The following DNAI3 variants were observed in gnomAD, a reference collection of about 807,000 sequenced individuals.
DNAI3 encodes the protein dynein axonemal intermediate chain 3.
In DNAI3, 83 loss-of-function variants were observed where a neutral mutation model predicts 115.5. The observed-to-expected ratio is 0.72, with a 90% CI of 0.60 to 0.86. The LOEUF (loss-of-function observed/expected upper bound fraction) is 0.86. Among genes scored for constraint, DNAI3 ranks in the 40% least tolerant of loss-of-function variants. The pLI, the probability that DNAI3 is intolerant of heterozygous loss-of-function variation, is 0.00. For synonymous variants in DNAI3, 320 were observed against 347.0 expected, an observed-to-expected ratio of 0.92 and a Z score of 0.86; for missense variants, 1,004 against 1,075.8, an observed-to-expected ratio of 0.93 and a Z score of 0.93.
chr1:85,104,201 T>A (rs1447013593), intron 13 of DNAI3, among the ~76,000 whole-genome samples: 3 of 150,386 alleles, frequency 2.0e-5, no homozygotes, highest in Non-Finnish European at 3.0e-5. Flanking sequence ...GCTCACTGCA[T>A]GCTCCACCTC....
intron 13 of DNAI3, among the ~76,000 whole-genome samples, chr1:85,099,580 C>T (rs940645351): frequency 6.6e-5 from 10 of 152,070 alleles, no homozygotes; most frequent in Non-Finnish European, 1.0e-4. Context: ...CAATGCCATC[C>T]CCATCAGGCT....
At chr1:85,063,444 G>A (rs998565225) in intron 1 of DNAI3, among the ~76,000 whole-genome samples, 1 of 152,140 alleles carries the variant, frequency 6.6e-6, no homozygotes, top group Non-Finnish European at 1.5e-5. Context: ...AAAGGTTGAC[G>A]CAGTGAGGCA....
chr1:85,124,341 C>A (rs1656072338), intron 19 of DNAI3, 90 bp downstream of exon 19: 4 of 1,571,188 alleles, frequency 2.5e-6, no homozygotes, highest in Non-Finnish European at 3.5e-6. Context: ...CATAATAGTG[C>A]CTTTGGGACA....
chr1:85,116,328 G>A (rs941669345), intron 16 of DNAI3, among the ~76,000 whole-genome samples: 2 of 152,190 alleles, frequency 1.3e-5, no homozygotes, highest in Admixed American at 1.3e-4. Flanking sequence ...TCTCACTCAA[G>A]TTAATCATGT....
chr1:85,125,678 C>T (rs1436627443), intron 19 of DNAI3, among the ~76,000 whole-genome samples: 1 of 152,072 alleles, frequency 6.6e-6, no homozygotes, highest in Non-Finnish European at 1.5e-5. Context: ...ACAAGGAGAA[C>T]AAGTTTGAAA....
At position 85,124,189 on chromosome 1, in the gene DNAI3, T is replaced by C. The variant is rs368100900; in HGVS notation, c.2050T>C (p.Tyr684His). 1 of 1,614,084 alleles carries C rather than the reference T, an allele frequency of 6.2e-7. No homozygotes were observed. Among genetic ancestry groups the C allele is most frequent in the African/African-American group, 1.3e-5 (1 of 74,926 alleles). The change falls in exon 19 of 23, where the codon TAC becomes CAC. Residue 684 changes from tyrosine to histidine, a missense_variant. Transcript: ENST00000294664. The part of the protein sequence containing the change: ...TVHTIQRSPF[Y>H]NDIILTVGGW... ...CCACACTATTCAGAGATCACCTTTC[T>C]ACAACGACATTATTCTCACGGTTGG...
chr1:85,080,059 T>C (rs1373709049), intron 3 of DNAI3, among the ~76,000 whole-genome samples: 2 of 139,254 alleles, frequency 1.4e-5, no homozygotes, highest in African/African-American at 2.7e-5. Flanking sequence ...TTTTTTTTTT[T>C]TTTTTTTTTT....
intron 5 of DNAI3, among the ~76,000 whole-genome samples, chr1:85,082,787 T>A (rs7537313): frequency 0.88 from 133,540 of 152,128 alleles, 58,874 homozygotes; most frequent in East Asian, 0.98. Flanking sequence ...ACCTAGAATA[T>A]GTAAGCAGTA....
At chr1:85,125,171 G>A (rs562005452) in intron 19 of DNAI3, among the ~76,000 whole-genome samples, 2 of 152,192 alleles carry the variant, frequency 1.3e-5, no homozygotes, top group East Asian at 1.9e-4. Flanking sequence ...GGGATTGTAA[G>A]TTGACATGTC....
chr1:85,068,407 T>G (rs1654162570), intron 1 of DNAI3, among the ~76,000 whole-genome samples: 1 of 152,260 alleles, frequency 6.6e-6, no homozygotes, highest in African/African-American at 2.4e-5. Flanking sequence ...TCTTATTGGG[T>G]CTACTTAACA....
intron 2 of DNAI3, 62 bp from the exon 3 acceptor site, chr1:85,072,992 T>C: frequency 3.2e-6 from 3 of 930,746 alleles, no homozygotes; most frequent in South Asian, 1.9e-5. Context: ...TAAAAGATTA[T>C]AATAAATTGA....
chr1:85,073,808 T>C (rs1273351616), intron 3 of DNAI3, among the ~76,000 whole-genome samples: 2 of 152,178 alleles, frequency 1.3e-5, no homozygotes, highest in African/African-American at 4.8e-5. Context: ...TGTAGCAAAT[T>C]GCAGGAGCAA....
chr1:85,087,422 T>A (rs1770705), intron 7 of DNAI3, among the ~76,000 whole-genome samples: 2 of 132,874 alleles, frequency 1.5e-5, no homozygotes, highest in Non-Finnish European at 3.1e-5. Context: ...GTGATAGAGC[T>A]AGACTCCATC....
chr1:85,111,453 T>C (rs568206958), intron 16 of DNAI3, among the ~76,000 whole-genome samples: 4 of 152,296 alleles, frequency 2.6e-5, no homozygotes, highest in South Asian at 2.1e-4. Flanking sequence ...GGTGCTACTA[T>C]TGCACATACT....
At chr1:85,069,547 G>A (rs563450350) in intron 1 of DNAI3, among the ~76,000 whole-genome samples, 12 of 152,068 alleles carry the variant, frequency 7.9e-5, no homozygotes, top group African/African-American at 2.7e-4. Flanking sequence ...GTGATGGTGT[G>A]TGCGTGGGGT....
intron 16 of DNAI3, among the ~76,000 whole-genome samples, chr1:85,112,291 A>G (rs900641543): frequency 7.3e-6 from 1 of 136,904 alleles, no homozygotes; most frequent in Non-Finnish European, 1.7e-5. Context: ...TTTATTACAG[A>G]GTGGCATTTC....
chr1:85,080,318 AC>A (rs761006556), intron 3 of DNAI3, among the ~76,000 whole-genome samples: 2 of 151,994 alleles, frequency 1.3e-5, no homozygotes, highest in Non-Finnish European at 2.9e-5. Context: ...GGTGTCAGCC[AC>A]CGCGCCCAGC....
chr1:85,085,012 A>G (rs817600), intron 6 of DNAI3, among the ~76,000 whole-genome samples: 151,298 of 152,280 alleles, frequency 0.99, 75,169 homozygotes, highest in Middle Eastern at 1. Context: ...AATCCAATAC[A>G]ACTGGTGTCC....
Position 85,121,792 on chromosome 1 carries a change from C to T in DNAI3, c.1959C>T (p.Asp653=). 2 of 1,614,112 alleles carry T rather than the reference C, an allele frequency of 1.2e-6. No homozygotes were observed. The highest frequency in any genetic ancestry group is 1.3e-5 in the African/African-American group (1 of 75,028). Residue 653 remains aspartate, a synonymous_variant, in exon 18 of 23, where the codon GAC becomes GAT. Transcript: ENST00000294664. ...ACACAGATTGGAAAATGGAAAAAGA[C>T]CCTGAAACTGGCCGACTTATGTGTA... ...VIYTDWKMEK[D]PETGRLMSKK... is the part of the protein sequence containing the mutation.
Sources: gnomAD v4.1 joint callset for allele counts (sites outside exome capture counted in the v4.1 genomes callset) on GRCh38, gnomAD v4.1.1 for gene constraint, MANE v1.5 for transcripts, NCBI Gene and HGNC (gene_info 2026-07-23, HGNC 2026-07-21) for gene names.